Variants in UTS2B observed in about 807,000 individuals in gnomAD.
UTS2B encodes the protein urotensin 2B, also known as urotensin-2B.
A neutral mutation model predicts 19.2 loss-of-function variants in UTS2B; 21 were observed. The ratio of observed to expected loss-of-function variants is 1.09; its 90% confidence interval spans 0.78 to 1.58. The LOEUF is 1.58. UTS2B is among the 40% of genes most tolerant of loss of function. UTS2B has a pLI of 0.00. For synonymous variants in UTS2B, 57 were observed against 50.2 expected (o/e 1.14, Z -0.58); for missense variants, 138 against 130.3 (o/e 1.06, Z -0.29).
intron 4 of UTS2B, chr3:191,294,737 A>C (rs978516454): frequency 6.6e-5 from 10 of 151,456 alleles, no homozygotes; most frequent in Non-Finnish European, 1.5e-4. Context: ...CTAAAAAAAA[A>C]AAAAATCTTG....
At chr3:191,339,308 A>G in the UTS2B span, among the ~76,000 whole-genome samples, 1 of 152,224 alleles carries the variant, frequency 6.6e-6, no homozygotes, top group Admixed American at 6.5e-5. Flanking sequence ...CTGGTTAAAA[A>G]TATGCAGTGC....
At chr3:191,273,019 T>A (rs577881964) in intron 8 of UTS2B, among the ~76,000 whole-genome samples, 1 of 151,914 alleles carries the variant, frequency 6.6e-6, no homozygotes, top group East Asian at 1.9e-4. Flanking sequence ...TACAAAAAAA[T>A]TAGCTGGGCT....
At chr3:191,275,197 A>T in intron 8 of UTS2B, 55 bp downstream of exon 8, 1 of 1,359,032 alleles carries the variant, frequency 7.4e-7, no homozygotes, top group South Asian at 1.3e-5. Context: ...CTCAGAAATT[A>T]CTGCAAAAAT....
upstream of UTS2B, among the ~76,000 whole-genome samples, chr3:191,335,474 T>C (rs1711504393): frequency 6.6e-6 from 1 of 152,170 alleles, no homozygotes; most frequent in Admixed American, 6.5e-5. Context: ...AGAAGGACTT[T>C]GGGGATTACT....
intron 2 of UTS2B, among the ~76,000 whole-genome samples, chr3:191,321,557 AAAT>A (rs1214043489): frequency 2.6e-5 from 4 of 152,202 alleles, no homozygotes; most frequent in Non-Finnish European, 5.9e-5. Context: ...CATGATTCCA[AAAT>A]AATGTCTGTG....
intron 2 of UTS2B, among the ~76,000 whole-genome samples, chr3:191,319,886 C>CTT (rs34656108): frequency 8.4e-5 from 12 of 143,080 alleles, no homozygotes; most frequent in Admixed American, 2.8e-4. Context: ...AAAAAAGCCA[C>CTT]TTTTTTTTTT....
chr3:191,271,636 C>T (rs1316608998), intron 8 of UTS2B, among the ~76,000 whole-genome samples: 1 of 152,148 alleles, frequency 6.6e-6, no homozygotes, highest in Non-Finnish European at 1.5e-5. Context: ...CTTTTGTTGA[C>T]TCTGCCTCAT....
intron 3 of UTS2B, among the ~76,000 whole-genome samples, chr3:191,308,851 G>A (rs1717213601): frequency 6.6e-6 from 1 of 151,586 alleles, no homozygotes; most frequent in South Asian, 2.1e-4. Context: ...TTAGTTATGA[G>A]ACAAATCAGA....
intron 8 of UTS2B, 100 bp downstream of exon 8, chr3:191,275,152 A>G: frequency 1.2e-6 from 1 of 858,664 alleles, no homozygotes. Flanking sequence ...GGTCACCACC[A>G]TAAGATTAAG....
At chr3:191,337,305 T>G in the UTS2B span, among the ~76,000 whole-genome samples, 1 of 152,212 alleles carries the variant, frequency 6.6e-6, no homozygotes, top group Non-Finnish European at 1.5e-5. Flanking sequence ...AATGATGCCC[T>G]TGGGAATTAT....
At chr3:191,335,056 G>T (rs754137040), upstream of UTS2B, among the ~76,000 whole-genome samples, 2 of 152,112 alleles carry the variant, frequency 1.3e-5, no homozygotes, top group Non-Finnish European at 2.9e-5. Context: ...AAAATTAAAC[G>T]TATTGGAGAA....
chr3:191,296,170 T>C (rs1425540226), intron 4 of UTS2B, among the ~76,000 whole-genome samples: 1 of 152,166 alleles, frequency 6.6e-6, no homozygotes, highest in Non-Finnish European at 1.5e-5. Context: ...CAAATACCCT[T>C]CTTTCAGTTC....
At chr3:191,280,567 C>A (rs1716358484) in intron 5 of UTS2B, among the ~76,000 whole-genome samples, 2 of 152,134 alleles carry the variant, frequency 1.3e-5, no homozygotes, top group Non-Finnish European at 2.9e-5. Context: ...ATAATTTAAT[C>A]TTCCTTATTT....
intron 4 of UTS2B, among the ~76,000 whole-genome samples, chr3:191,284,489 T>C (rs1006630169): frequency 3.4e-5 from 5 of 147,178 alleles, no homozygotes; most frequent in African/African-American, 1.2e-4. Context: ...GTCTGGCTAA[T>C]TTTTGTGTTT....
chr3:191,287,766 A>C (rs1716597007), intron 4 of UTS2B, among the ~76,000 whole-genome samples: 1 of 152,068 alleles, frequency 6.6e-6, no homozygotes, highest in Non-Finnish European at 1.5e-5. Context: ...AACAATCAGA[A>C]AAAAAGAAAG....
At chr3:191,298,056 T>A (rs769260824) in intron 4 of UTS2B, among the ~76,000 whole-genome samples, 1 of 152,256 alleles carries the variant, frequency 6.6e-6, no homozygotes, top group East Asian at 1.9e-4. Flanking sequence ...TGTGGCAATA[T>A]TTTGATGAAT....
intron 5 of UTS2B, among the ~76,000 whole-genome samples, chr3:191,279,576 A>G (rs889140796): frequency 1.3e-5 from 2 of 152,054 alleles, no homozygotes; most frequent in Non-Finnish European, 2.9e-5. Flanking sequence ...TAACTAGAAG[A>G]GTATGGATCT....
chr3:191,278,152 T>G lies in UTS2B; in HGVS notation c.122A>C (p.Asp41Ala), dbSNP rs1482786039. 1.3e-6 allele frequency: 2 copies of G among 1,540,954 alleles called. No individual in the cohort carries two copies. Among genetic ancestry groups the G allele is most frequent in the East Asian group, 2.3e-5 (1 of 42,948 alleles). The stretch of plus-strand genomic sequence containing the variant: ...TTCCTCACGATTTGTATATTTTTTA[T>G]CTGGAAATATTTCATTTCCTATAAT... ...YLTQGNEIFPDKKYTNREELL... is the reference protein window; with the variant it reads ...YLTQGNEIFPAKKYTNREELL... Residue 41 changes from aspartate (D) to alanine (A), a missense_variant, in exon 6 of 9, where the codon GAT (aspartate) becomes GCT (alanine). Coordinates refer to ENST00000340524, the MANE Select transcript of UTS2B (RefSeq NM_198152.5).
chr3:191,280,948 A>G (rs1166188165), intron 5 of UTS2B, among the ~76,000 whole-genome samples: 2 of 152,156 alleles, frequency 1.3e-5, no homozygotes, highest in Non-Finnish European at 2.9e-5. Context: ...AGAATCTTTG[A>G]TTCCCAGGCT....
Sources: gnomAD v4.1 joint callset for allele counts (sites outside exome capture counted in the v4.1 genomes callset) on GRCh38, gnomAD v4.1.1 for gene constraint, MANE v1.5 for transcripts, NCBI Gene and HGNC (gene_info 2026-07-23, HGNC 2026-07-21) for gene names.